Variants in PDE4D observed in about 807,000 individuals in gnomAD.
The protein encoded by PDE4D is phosphodiesterase 4D.
In PDE4D, 24 loss-of-function variants were observed where a neutral mutation model predicts 87.4. That is an observed-to-expected ratio of 0.27 (90% CI 0.20 to 0.39). PDE4D has a LOEUF of 0.39. Among genes scored for constraint, PDE4D ranks in the 10% least tolerant of loss-of-function variants. The pLI is 1.00. For missense variants in PDE4D, 714 were observed against 1,041.0 expected (o/e 0.69, Z 4.32); for synonymous variants, 384 against 383.2 (o/e 1.00, Z -0.02).
Position 59,594,937 on chromosome 5 carries a change from T to TTG in PDE4D, c.455+298230_455+298231insCA, listed in dbSNP as rs375307314. On this transcript the variant is annotated intron_variant, in intron 1 of 14. Transcript: ENST00000340635. ...TGTAAAAAAAAATGTACCACTTTTG[T>TTG]GGGGGGGATATTGATAATGGGGTGG... Among the ~76,000 whole-genome samples the TTG allele has an allele frequency of 4.4e-4, 67 of 152,090 alleles. 1 individual carries two copies. Among genetic ancestry groups the TTG allele is most frequent in the African/African-American group, 1.5e-3 (63 of 41,508 alleles).
At chr5:59,240,352 A>C (rs1299923953) in intron 1 of PDE4D, among the ~76,000 whole-genome samples, 1 of 152,184 alleles carries the variant, frequency 6.6e-6, no homozygotes, top group South Asian at 2.1e-4. Context: ...AGCATATTGC[A>C]ATTGATGTTT....
chr5:60,251,680 C>T (rs1175406159), intron 1 of PDE4D, among the ~76,000 whole-genome samples: 1 of 151,814 alleles, frequency 6.6e-6, no homozygotes, highest in Non-Finnish European at 1.5e-5. Context: ...CATATGACTA[C>T]CTGTGTCTTT....
chr5:60,267,483 T>A (rs1483894620), intron 1 of PDE4D, among the ~76,000 whole-genome samples: 1 of 152,194 alleles, frequency 6.6e-6, no homozygotes, highest in Non-Finnish European at 1.5e-5. Flanking sequence ...GCAGACATAC[T>A]CAGTTTTGTC....
At chr5:60,024,594 T>C (rs962644958) in intron 2 of PDE4D, among the ~76,000 whole-genome samples, 14 of 152,152 alleles carry the variant, frequency 9.2e-5, no homozygotes, top group African/African-American at 3.1e-4. Context: ...GGGCATTTGG[T>C]GATTTAAGGC....
chr5:60,105,770 T>C, intron 2 of PDE4D, among the ~76,000 whole-genome samples: 1 of 152,124 alleles, frequency 6.6e-6, no homozygotes, highest in East Asian at 1.9e-4. Flanking sequence ...CTAAGCTTCA[T>C]AAGTGAAGGA....
intron 1 of PDE4D, among the ~76,000 whole-genome samples, chr5:59,228,224 G>A (rs1282726430): frequency 6.6e-6 from 1 of 152,034 alleles, no homozygotes; most frequent in Non-Finnish European, 1.5e-5. Flanking sequence ...GACAGAAAGA[G>A]AGGAACAATA....
intron 1 of PDE4D, among the ~76,000 whole-genome samples, chr5:60,431,829 G>A (rs1182080118): frequency 1.3e-5 from 2 of 152,220 alleles, no homozygotes; most frequent in Non-Finnish European, 2.9e-5. Flanking sequence ...CCAGCACCTC[G>A]GGAGGCCGAG....
intron 1 of PDE4D, chr5:59,592,058 A>C (rs1825994064): frequency 1.3e-6 from 1 of 751,178 alleles, no homozygotes; most frequent in African/African-American, 1.9e-5. Flanking sequence ...TCAGAATGAG[A>C]CCTGAGGTGG....
chr5:60,313,674 A>G (rs769895328), intron 1 of PDE4D, among the ~76,000 whole-genome samples: 2 of 152,230 alleles, frequency 1.3e-5, no homozygotes, highest in African/African-American at 2.4e-5. Context: ...GCATAGGTGG[A>G]AAAATCCTCA....
intron 1 of PDE4D, among the ~76,000 whole-genome samples, chr5:59,692,219 G>A (rs1182024804): frequency 6.6e-6 from 1 of 152,120 alleles, no homozygotes; most frequent in Non-Finnish European, 1.5e-5. Context: ...TGAGAACCTA[G>A]GTATTTTACA....
rs550087293 is a variant in PDE4D, at chr5:60,460,884, T to G, written c.-90+27058A>C. The G allele has an allele frequency of 1.7e-4, 58 of 338,156 alleles. No individual in the cohort carries two copies. The South Asian group carries it at 3.1e-3, about 18-fold the overall frequency. The allele number at this position is 338,156 out of a possible 1,614,324, so 20.9% of individuals were successfully genotyped here. ...GATCCCTTTACACTATTAATTCCAT[T>G]CTTAATTAATAGCATAAATGTCCAT... On this transcript the variant is annotated intron_variant, in intron 1 of 16. Transcript: ENST00000502484.
At chr5:58,979,320 A>G (rs1744554117) in intron 11 of PDE4D, among the ~76,000 whole-genome samples, 1 of 152,202 alleles carries the variant, frequency 6.6e-6, no homozygotes. Flanking sequence ...AAGCCAGGAA[A>G]GGATGCCTTA....
chr5:59,847,039 A>T lies in PDE4D; in HGVS notation c.455+46129T>A, dbSNP rs146235657. Among the ~76,000 whole-genome samples, 177 of 152,148 alleles carry T rather than the reference A, an allele frequency of 1.2e-3. 1 individual carries two copies. In the East Asian group the frequency reaches 0.031, roughly 27 times the overall value. On this transcript the variant is annotated intron_variant, in intron 1 of 14. Transcript: ENST00000340635. ...AAATGGCAGAGCCTATTTCGTTGAC[A>T]GAGGTGGTGACATGAGAACAGGAAT...
At chr5:60,167,266 CTTTT>C (rs142613050) in intron 2 of PDE4D, among the ~76,000 whole-genome samples, 46 of 86,488 alleles carry the variant, frequency 5.3e-4, no homozygotes, top group African/African-American at 2.0e-3. Context: ...TGTGTATTTT[CTTTT>C]TTTTTTTTTT....
At chr5:60,275,580 T>C (rs1440186289) in intron 1 of PDE4D, among the ~76,000 whole-genome samples, 2 of 151,714 alleles carry the variant, frequency 1.3e-5, no homozygotes, top group African/African-American at 4.8e-5. Context: ...CAATGTGTTT[T>C]TTGAACTCAT....
At chr5:59,127,701 G>A (rs1286430750) in intron 5 of PDE4D, among the ~76,000 whole-genome samples, 1 of 151,062 alleles carries the variant, frequency 6.6e-6, no homozygotes, top group Non-Finnish European at 1.5e-5. Context: ...GAGCTGGGGT[G>A]CCATTCTCCC....
At chr5:59,700,697 C>A (rs1285851141) in intron 1 of PDE4D, among the ~76,000 whole-genome samples, 1 of 152,198 alleles carries the variant, frequency 6.6e-6, no homozygotes, top group African/African-American at 2.4e-5. Context: ...TATCCCCAAA[C>A]CTCACCTTCT....
At chr5:59,162,813 C>T (rs1781316865) in intron 5 of PDE4D, among the ~76,000 whole-genome samples, 1 of 135,338 alleles carries the variant, frequency 7.4e-6, no homozygotes, top group Admixed American at 8.4e-5. Context: ...TGTGATTGTG[C>T]CACCGCAATC....
At chr5:60,084,966 A>G (rs1423236587) in intron 2 of PDE4D, among the ~76,000 whole-genome samples, 3 of 152,214 alleles carry the variant, frequency 2.0e-5, no homozygotes, top group African/African-American at 4.8e-5. Context: ...CTGATTGTTC[A>G]GCGTCCATGC....
Sources: gnomAD v4.1 joint callset for allele counts (sites outside exome capture counted in the v4.1 genomes callset) on GRCh38, gnomAD v4.1.1 for gene constraint, MANE v1.5 for transcripts, NCBI Gene and HGNC (gene_info 2026-07-23, HGNC 2026-07-21) for gene names.